TTC3: variants seen among roughly 807,000 people sequenced by gnomAD.
TTC3 encodes the protein tetratricopeptide repeat domain 3, also known as E3 ubiquitin-protein ligase TTC3.
Under a neutral mutation model 249.6 loss-of-function variants are expected in TTC3, and 180 were observed. That is an observed-to-expected ratio of 0.72 (90% confidence interval 0.64 to 0.82). TTC3 has a LOEUF of 0.82. Ranked by LOEUF, TTC3 falls within the 40% of genes least tolerant of loss-of-function variation. The pLI is 0.00. For synonymous variants in TTC3, 717 were observed against 805.0 expected, an observed-to-expected ratio of 0.89 and a Z score of 1.85; for missense variants, 2,061 against 2,398.4, an observed-to-expected ratio of 0.86 and a Z score of 2.94.
At chr21:37,120,222 A>G (rs1232302519) in intron 11 of TTC3, among the ~76,000 whole-genome samples, 3 of 152,174 alleles carry the variant, frequency 2.0e-5, no homozygotes, top group Admixed American at 2.0e-4. Context: ...AGAGAATGAG[A>G]TAGTGAAAAG....
chr21:37,176,739 A>G (rs1016183533), intron 35 of TTC3, among the ~76,000 whole-genome samples: 20 of 152,204 alleles, frequency 1.3e-4, no homozygotes, highest in African/African-American at 4.8e-4. Context: ...ATAAATCTCC[A>G]TGTTACTGGT....
rs1555853733 is a variant in TTC3, at chr21:37,095,135, A to ACATGTGTG, written c.688-215_688-214insCATGTGTG. Among the ~76,000 whole-genome samples, 46 of 76,756 alleles carry ACATGTGTG rather than the reference A, an allele frequency of 6.0e-4. 3 individuals are homozygous for ACATGTGTG. The South Asian group carries it at 0.016, about 27-fold the overall frequency. The allele number at this position is 76,756 out of a possible 152,430, so 50.4% of individuals were successfully genotyped here. ...TGGGTGACAGACCCTGTCTCTAAAA[A>ACATGTGTG]TATGTGTGTGTGTGTGTGTGTGTGT... On this transcript the variant is annotated intron_variant, in intron 8 of 45. Transcript: ENST00000355666.
chr21:37,141,417 C>CCA (rs368537483), intron 20 of TTC3, among the ~76,000 whole-genome samples: 2 of 151,692 alleles, frequency 1.3e-5, no homozygotes, highest in Non-Finnish European at 2.9e-5. Context: ...GGGAATCCCC[C>CCA]CCCCAGCCAT....
intron 42 of TTC3, 137 bp downstream of exon 42, chr21:37,196,173 CA>C: frequency 2.6e-6 from 3 of 1,136,290 alleles, no homozygotes; most frequent in Admixed American, 3.1e-5. Flanking sequence ...ACAGTTGCTA[CA>C]TTTCTTTCTT....
chr21:37,157,125 T>A (rs1441182891), intron 28 of TTC3: 1 of 1,429,484 alleles, frequency 7.0e-7, no homozygotes, highest in Non-Finnish European at 9.4e-7. Flanking sequence ...TGTAGGTATG[T>A]TATGCTAACA....
At chr21:37,090,350 A>T (rs1388984491) in intron 6 of TTC3, 64 bp downstream of exon 6, 1 of 1,414,736 alleles carries the variant, frequency 7.1e-7, no homozygotes, top group Non-Finnish European at 9.9e-7. Context: ...CTCACTGCTC[A>T]TTTCCCCTTG....
intron 10 of TTC3, among the ~76,000 whole-genome samples, chr21:37,104,558 C>G (rs530924054): frequency 1.4e-5 from 2 of 146,136 alleles, no homozygotes; most frequent in Non-Finnish European, 3.0e-5. Flanking sequence ...CCATTGCGCT[C>G]CAGCCTCGGC....
chr21:37,181,264 C>T (rs2082735076), intron 35 of TTC3, among the ~76,000 whole-genome samples: 1 of 152,224 alleles, frequency 6.6e-6, no homozygotes, highest in Non-Finnish European at 1.5e-5. Flanking sequence ...CCCTTAGGTA[C>T]TTGTTGCCAA....
At chr21:37,134,415 C>T (rs193008313) in intron 17 of TTC3, among the ~76,000 whole-genome samples, 5 of 151,980 alleles carry the variant, frequency 3.3e-5, no homozygotes, top group Admixed American at 2.6e-4. Context: ...TGCCACTGCA[C>T]TCCAGCCTGG....
Position 37,166,618 on chromosome 21 carries a change from A to G in TTC3, c.4401+3A>G. 1 of 1,601,164 alleles carries G rather than the reference A, an allele frequency of 6.2e-7. No individual in the cohort carries two copies. Among genetic ancestry groups the G allele is most frequent in the Non-Finnish European group, 8.5e-7 (1 of 1,171,770 alleles). ...ACGTGCAGATGGTTGCCATACAGGT[A>G]AGAGTTAAATAGAAAAGTCTTCTTA... On this transcript the variant is annotated splice_donor_region_variant and intron_variant, in intron 33 of 45. Transcript: ENST00000355666.
exon 46 of TTC3, chr21:37,201,698 A>G (rs2085522119): frequency 3.2e-6 from 4 of 1,258,368 alleles, no homozygotes; most frequent in African/African-American, 1.5e-5. Context: ...AGCTAAATAC[A>G]TGGAAATCGT....
intron 36 of TTC3, among the ~76,000 whole-genome samples, chr21:37,184,386 AT>A (rs2083035356): frequency 6.6e-6 from 1 of 151,500 alleles, no homozygotes; most frequent in Non-Finnish European, 1.5e-5. Context: ...ACTTTTTTCC[AT>A]TTTATTATTA....
chr21:37,115,201 A>AATAATAAT lies in TTC3; in HGVS notation c.901-6615_901-6614insTAATAATA, dbSNP rs1213970949. On this transcript the variant is annotated intron_variant, in intron 11 of 45. Transcript: ENST00000355666. ...TAATAATAATAATAATAATAATAATAAAGAAACTATTTCTATTTCCTAGTA... is the reference window on the plus strand; with the variant it reads ...TAATAATAATAATAATAATAATAATAATAATAATAAGAAACTATTTCTATTTCCTAGTA... Among the ~76,000 whole-genome samples the AATAATAAT allele has an allele frequency of 8.0e-5, 12 of 150,006 alleles. No homozygotes were observed. The East Asian group carries it at 1.4e-3, about 17-fold the overall frequency.
chr21:37,157,093 A>G (rs1478798166), intron 28 of TTC3, 187 bp downstream of exon 28: 3 of 1,370,746 alleles, frequency 2.2e-6, no homozygotes, highest in East Asian at 5.4e-5. Context: ...TTTTTACTTT[A>G]TCAGTTAAAG....
intron 44 of TTC3, among the ~76,000 whole-genome samples, chr21:37,198,934 CAAGTT>C (rs1306779991): frequency 1.3e-5 from 2 of 151,848 alleles, no homozygotes; most frequent in African/African-American, 2.4e-5. Context: ...AGAAAACGGT[CAAGTT>C]AAGTGTATAT....
intron 11 of TTC3, among the ~76,000 whole-genome samples, chr21:37,116,978 T>C (rs2076193303): frequency 6.6e-6 from 1 of 152,170 alleles, no homozygotes. Flanking sequence ...AATTTGATAC[T>C]TCCATTACTG....
intron 38 of TTC3, chr21:37,187,877 C>A (rs1221900756): frequency 1.3e-5 from 2 of 152,204 alleles, no homozygotes; most frequent in African/African-American, 4.8e-5. Context: ...TATTCCTGAG[C>A]TTGTTTAATT....
chr21:37,080,013 A>G (rs2147612252), intron 1 of TTC3, among the ~76,000 whole-genome samples: 1 of 151,512 alleles, frequency 6.6e-6, no homozygotes, highest in Middle Eastern at 3.4e-3. Flanking sequence ...TTTGTTTTTT[A>G]TTTCATTGAT....
intron 16 of TTC3, among the ~76,000 whole-genome samples, chr21:37,132,200 C>T (rs10470176): frequency 0.33 from 49,787 of 152,054 alleles, 8,496 homozygotes; most frequent in South Asian, 0.52. Context: ...TGCCAATTCC[C>T]CCCAAAGAAT....
Sources: allele counts gnomAD v4.1 joint callset (sites outside exome capture counted in the v4.1 genomes callset), GRCh38; gene constraint gnomAD v4.1.1; transcripts MANE v1.5; gene names NCBI Gene and HGNC (gene_info 2026-07-23, HGNC 2026-07-21).